Variants in RBFOX1 observed in about 807,000 individuals in gnomAD.
RBFOX1 encodes RNA binding protein fox-1 homolog 1.
A neutral mutation model predicts 57.7 loss-of-function variants in RBFOX1; 8 were observed. The ratio of observed to expected loss-of-function variants is 0.14; its 90% CI spans 0.08 to 0.25. RBFOX1 has a LOEUF of 0.25. Ranked by LOEUF, RBFOX1 falls within the 10% of genes least tolerant of loss-of-function variation. RBFOX1 has a pLI of 1.00. For synonymous variants in RBFOX1, 326 were observed against 222.4 expected (o/e 1.47, Z -4.15); for missense variants, 611 against 548.5 (o/e 1.11, Z -1.14).
chr16:7,009,997 C>T (rs762414249), intron 3 of RBFOX1, among the ~76,000 whole-genome samples: 42 of 151,620 alleles, frequency 2.8e-4, no homozygotes, highest in Middle Eastern at 6.8e-3. Context: ...TGCTAAAAAT[C>T]AATTAGACTT....
At chr16:5,363,822 A>G (rs2065623906) in intron 1 of RBFOX1, among the ~76,000 whole-genome samples, 1 of 152,198 alleles carries the variant, frequency 6.6e-6, no homozygotes, top group Non-Finnish European at 1.5e-5. Context: ...TGGGGTTCCC[A>G]GCATCTTTCA....
chr16:6,209,569 A>G (rs575562529), intron 1 of RBFOX1, among the ~76,000 whole-genome samples: 1 of 152,242 alleles, frequency 6.6e-6, no homozygotes, highest in Admixed American at 6.5e-5. Context: ...AACTCTGACC[A>G]TACAGGTGGA....
intron 5 of RBFOX1, among the ~76,000 whole-genome samples, chr16:7,532,673 A>G (rs1464775214): frequency 6.6e-6 from 1 of 152,174 alleles, no homozygotes; most frequent in Non-Finnish European, 1.5e-5. Context: ...GAGTTGGCAA[A>G]CTGTAGCTCG....
intron 5 of RBFOX1, among the ~76,000 whole-genome samples, chr16:7,526,990 T>A (rs928049037): frequency 1.3e-5 from 2 of 152,208 alleles, no homozygotes; most frequent in Non-Finnish European, 2.9e-5. Context: ...AAGGAATTAC[T>A]CATTTCACCC....
At chr16:7,018,966 A>G (rs1364814934) in intron 3 of RBFOX1, among the ~76,000 whole-genome samples, 3 of 151,792 alleles carry the variant, frequency 2.0e-5, no homozygotes, top group Admixed American at 2.0e-4. Context: ...AAAAAAATTA[A>G]AAAGCAATAA....
At chr16:6,382,860 A>T (rs1042115933) in intron 2 of RBFOX1, among the ~76,000 whole-genome samples, 1 of 152,164 alleles carries the variant, frequency 6.6e-6, no homozygotes, top group Non-Finnish European at 1.5e-5. Context: ...ACTCTGTCTC[A>T]AAAAAGAAAA....
At chr16:6,386,097 G>C (rs959658627) in intron 2 of RBFOX1, among the ~76,000 whole-genome samples, 2 of 152,040 alleles carry the variant, frequency 1.3e-5, no homozygotes, top group Non-Finnish European at 2.9e-5. Context: ...CACCGCGCCC[G>C]GCTAACTTTT....
chr16:5,722,253 T>C (rs2051963462), intron 3 of RBFOX1, among the ~76,000 whole-genome samples: 1 of 152,246 alleles, frequency 6.6e-6, no homozygotes, highest in Non-Finnish European at 1.5e-5. Flanking sequence ...AGGTGAGTTA[T>C]TGTAACATAA....
At chr16:7,608,283 G>C (rs2056748525) in intron 10 of RBFOX1, among the ~76,000 whole-genome samples, 1 of 152,080 alleles carries the variant, frequency 6.6e-6, no homozygotes, top group Non-Finnish European at 1.5e-5. Flanking sequence ...ACTGAACACT[G>C]ACCCTTGTAG....
intron 3 of RBFOX1, among the ~76,000 whole-genome samples, chr16:6,736,323 C>G (rs1045981151): frequency 6.6e-6 from 1 of 152,214 alleles, no homozygotes; most frequent in East Asian, 1.9e-4. Context: ...ACTCTTCCCC[C>G]CAAGTCCCCA....
At chr16:6,790,453 G>C (rs1162420757) in intron 3 of RBFOX1, among the ~76,000 whole-genome samples, 3 of 152,074 alleles carry the variant, frequency 2.0e-5, no homozygotes, top group African/African-American at 7.2e-5. Context: ...CCAAAGTGCT[G>C]GGAATACAGG....
intron 3 of RBFOX1, among the ~76,000 whole-genome samples, chr16:6,888,446 C>T (rs1450582329): frequency 3.3e-5 from 5 of 152,128 alleles, no homozygotes; most frequent in African/African-American, 1.2e-4. Context: ...TTTATATAGT[C>T]ACTTACTGTC....
chr16:5,719,717 C>G (rs966663888), intron 3 of RBFOX1, among the ~76,000 whole-genome samples: 7 of 152,114 alleles, frequency 4.6e-5, no homozygotes, highest in Admixed American at 1.3e-4. Context: ...GAAGCTTCAT[C>G]TCTGCTGTAG....
At chr16:6,025,296 G>A (rs183910247) in intron 1 of RBFOX1, among the ~76,000 whole-genome samples, 1 of 152,248 alleles carries the variant, frequency 6.6e-6, no homozygotes, top group East Asian at 1.9e-4. Flanking sequence ...AATTAAACTC[G>A]ATTCCCCACC....
At chr16:6,418,169 G>A (rs2093676933) in intron 2 of RBFOX1, among the ~76,000 whole-genome samples, 1 of 152,210 alleles carries the variant, frequency 6.6e-6, no homozygotes, top group South Asian at 2.1e-4. Context: ...TCATGAGGGA[G>A]GCACTTATAT....
chr16:6,335,344 A>C (rs991062859), intron 2 of RBFOX1, among the ~76,000 whole-genome samples: 1 of 152,190 alleles, frequency 6.6e-6, no homozygotes, highest in African/African-American at 2.4e-5. Context: ...TTATTCATGC[A>C]TCTCTCTAAA....
intron 1 of RBFOX1, among the ~76,000 whole-genome samples, chr16:5,427,583 T>A (rs1032129670): frequency 1.3e-5 from 2 of 148,618 alleles, no homozygotes; most frequent in African/African-American, 5.0e-5. Context: ...AGACTCTGTC[T>A]CAAAACAAAA....
intron 3 of RBFOX1, among the ~76,000 whole-genome samples, chr16:5,705,514 C>G (rs902504215): frequency 6.6e-6 from 1 of 152,196 alleles, no homozygotes; most frequent in Admixed American, 6.5e-5. Context: ...GATCTCTCAG[C>G]TTTTAAACAC....
chr16:6,648,519 C>A (rs1013061704), intron 2 of RBFOX1, among the ~76,000 whole-genome samples: 1 of 152,066 alleles, frequency 6.6e-6, no homozygotes, highest in Non-Finnish European at 1.5e-5. Flanking sequence ...AGTCTAATGC[C>A]AGGAGTCTAA....
Sources: gnomAD v4.1 joint callset for allele counts (sites outside exome capture counted in the v4.1 genomes callset) on GRCh38, gnomAD v4.1.1 for gene constraint, MANE v1.5 for transcripts, NCBI Gene and HGNC (gene_info 2026-07-23, HGNC 2026-07-21) for gene names.